The following CSPG4 variants were observed in gnomAD, a reference collection of about 807,000 sequenced individuals.
CSPG4 encodes the protein chondroitin sulfate proteoglycan 4 (melanoma-associated).
A neutral mutation model predicts 139.3 loss-of-function variants in CSPG4; 74 were observed. That is an observed-to-expected ratio of 0.53 (90% CI 0.44 to 0.64). The LOEUF is 0.64. Ranked by LOEUF, CSPG4 falls within the 30% of genes least tolerant of loss-of-function variation. CSPG4 has a pLI of 0.00. For synonymous variants in CSPG4, 1,234 were observed against 1,394.2 expected (o/e 0.89, Z 2.56); for missense variants, 2,565 against 3,148.3 (o/e 0.81, Z 4.43).
chr15:75,684,670 G>T, intron 5 of CSPG4, 66 bp downstream of exon 5: 2 of 1,502,606 alleles, frequency 1.3e-6, no homozygotes, highest in Non-Finnish European at 9.1e-7. Flanking sequence ...GCTCTGAGCC[G>T]CGAAGTAGGG....
chr15:75,702,601 CT>C (rs1566977655), intron 1 of CSPG4, among the ~76,000 whole-genome samples: 1 of 152,196 alleles, frequency 6.6e-6, no homozygotes, highest in Admixed American at 6.5e-5. Flanking sequence ...CCCTCCCCAC[CT>C]TGTCTTACCT....
chr15:75,687,600 G>A lies in CSPG4; in HGVS notation c.3465C>T (p.Asn1155=), dbSNP rs901809804. ...CCTCATCCCCACTGCGGATGTCGAG[G>A]TTGGTGTCCAGGTGGAGCACGGCCG... is the stretch of plus-strand genomic sequence containing the variant. ...IDTAVLHLDT[N]LDIRSGDEVH... The change falls in exon 3 of 10, where the codon AAC becomes AAT. Residue 1155 remains asparagine (N), a synonymous_variant. Coordinates refer to ENST00000308508, the MANE Select transcript of CSPG4 (RefSeq NM_001897.5). This position sits in a 1 kb window ranked among gnomAD's most constrained non-coding sequence, Gnocchi z 5.4. 15 of 1,611,532 alleles carry A rather than the reference G, an allele frequency of 9.3e-6. No individual in the cohort carries two copies. The highest frequency in any genetic ancestry group is 1.2e-5 in the Non-Finnish European group (14 of 1,179,028).
At chr15:75,707,925 C>T (rs1416571699) in intron 1 of CSPG4, among the ~76,000 whole-genome samples, 1 of 152,024 alleles carries the variant, frequency 6.6e-6, no homozygotes, top group African/African-American at 2.4e-5. Flanking sequence ...AGCTGCTGGT[C>T]CTGAGGGTGA....
At chr15:75,695,421 C>T (rs1356501702) in intron 1 of CSPG4, among the ~76,000 whole-genome samples, 1 of 152,168 alleles carries the variant, frequency 6.6e-6, no homozygotes, top group Non-Finnish European at 1.5e-5. Flanking sequence ...CATTGAGGGG[C>T]TGGGCCCTGC....
At chr15:75,691,687 T>G (rs1272862311) in intron 2 of CSPG4, among the ~76,000 whole-genome samples, 1 of 152,064 alleles carries the variant, frequency 6.6e-6, no homozygotes, top group Non-Finnish European at 1.5e-5. Context: ...TGGGGAGAGA[T>G]GAAGGACATA....
chr15:75,690,023 T>C lies in CSPG4; in HGVS notation c.1042A>G (p.Asn348Asp). The change falls in exon 3 of 10, where the codon AAT becomes GAT. Residue 348 changes from asparagine (N) to aspartate (D), a missense_variant. Physicochemically the swap from Asn to Asp is conservative, Grantham distance 23 (BLOSUM62 1). Transcript: ENST00000308508. ...TCCATGCAGCCCAGCAGGGAGGCATTGGTGGCCTCTGGTGTCAGGCCCAGG... is the reference window on the plus strand; with the variant it reads ...TCCATGCAGCCCAGCAGGGAGGCATCGGTGGCCTCTGGTGTCAGGCCCAGG... The part of the protein sequence containing the change: ...HRLGLTPEAT[N>D]ASLLGCMEDL... 6.2e-7 allele frequency: 1 copy of C among 1,611,650 alleles called. No individual in the cohort carries two copies. Among genetic ancestry groups the C allele is most frequent in the Non-Finnish European group, 8.5e-7 (1 of 1,179,490 alleles).
Position 75,685,383 on chromosome 15 carries a change from C to G in CSPG4, c.4108G>C (p.Gly1370Arg). ...GGAGGGGCCAGGGTGAGGCTGCCAC[C>G]CTCAGGGACGCTGAAGTTTTGCGCC... ...LEAQNFSVPE[G>R]GSLTLAPPLL... The change falls in exon 4 of 10, where the codon GGT becomes CGT. Residue 1370 changes from glycine (G) to arginine (R), a missense_variant. This residue lies in a region of CSPG4 where 2,316 missense variants were observed against 2,818.2 expected (regional missense o/e 0.82). Transcript: ENST00000308508. The G allele has an allele frequency of 6.2e-7, 1 of 1,610,504 alleles. No individual in the cohort carries two copies. The highest frequency in any genetic ancestry group is 8.5e-7 in the Non-Finnish European group (1 of 1,179,140).
At chr15:75,711,017 C>T (rs1411486445) in intron 1 of CSPG4, among the ~76,000 whole-genome samples, 9 of 152,220 alleles carry the variant, frequency 5.9e-5, no homozygotes, top group Admixed American at 5.9e-4. Context: ...TTCTCCCTGG[C>T]CTGTGCTCGA....
chr15:75,711,934 G>A (rs1596015641), intron 1 of CSPG4, among the ~76,000 whole-genome samples: 2 of 151,928 alleles, frequency 1.3e-5, no homozygotes, highest in Non-Finnish European at 2.9e-5. Context: ...AGGCATCAGT[G>A]CTGGGATGAG....
At chr15:75,707,349 G>A (rs1407004512) in intron 1 of CSPG4, among the ~76,000 whole-genome samples, 3 of 152,210 alleles carry the variant, frequency 2.0e-5, no homozygotes, top group East Asian at 3.8e-4. Flanking sequence ...TGTATAAGGT[G>A]TATATGAAAC....
intron 8 of CSPG4, chr15:75,678,635 G>A (rs1277970637): frequency 2.2e-6 from 1 of 455,914 alleles, no homozygotes; most frequent in East Asian, 7.0e-5. Context: ...ATTACAGGCA[G>A]GAGGCACTGC....
chr15:75,675,917 A>G lies in CSPG4; in HGVS notation c.6602T>C (p.Met2201Thr). 1 of 1,601,268 alleles carries G rather than the reference A, an allele frequency of 6.2e-7. No individual in the cohort carries two copies. The highest frequency in any genetic ancestry group is 8.5e-7 in the Non-Finnish European group (1 of 1,179,078). ...SSTPTGEPGPMASSPEPAVAK... is the reference protein window; with the variant it reads ...SSTPTGEPGPTASSPEPAVAK... The stretch of plus-strand genomic sequence containing the variant: ...CACAGCGGGCTCAGGGCTGGATGCC[A>G]TGGGGCCTGGCTCGCCTGTGGGGGT... Residue 2201 changes from methionine (M) to threonine (T), a missense_variant, in exon 10 of 10, where the codon ATG becomes ACG. Physicochemically the swap from Met to Thr is moderately conservative, Grantham distance 81 (BLOSUM62 -1). This residue lies in a region of CSPG4 where 2,316 missense variants were observed against 2,818.2 expected (regional missense o/e 0.82). Coordinates refer to ENST00000308508, the MANE Select transcript of CSPG4 (RefSeq NM_001897.5).
At chr15:75,683,551 GT>G (rs1323191596) in intron 5 of CSPG4, among the ~76,000 whole-genome samples, 1 of 152,232 alleles carries the variant, frequency 6.6e-6, no homozygotes, top group Non-Finnish European at 1.5e-5. Flanking sequence ...GGGGCTGATG[GT>G]TGGCACTGTT....
rs1256676012 is a variant in CSPG4 at position 75,690,511 on chromosome 15, G to A, written c.554C>T (p.Thr185Ile). 1 of 1,609,762 alleles carries A rather than the reference G, an allele frequency of 6.2e-7. No homozygotes were observed. The highest frequency in any genetic ancestry group is 8.5e-7 in the Non-Finnish European group (1 of 1,179,094). The change falls in exon 3 of 10, where the codon ACC (threonine) becomes ATC (isoleucine). Residue 185 changes from threonine (T) to isoleucine (I), a missense_variant. Transcript: ENST00000308508. ...AGCACAGCCCTCATGCACATCGGGG[G>A]TCAGAGGCCGGAGGAGGCTGCGGCC... ...LNGRSLLRPL[T>I]PDVHEGCAEE...
chr15:75,678,664 A>T (rs1287483639), intron 8 of CSPG4: 1 of 455,994 alleles, frequency 2.2e-6, no homozygotes. Context: ...AGAAAAAACT[A>T]TTCTTGACTT....
chr15:75,675,721 G>A lies in CSPG4; in HGVS notation c.6798C>T (p.Asn2266=), dbSNP rs148118120. ...AGGTCTCGGTGTCACCAGCCAGGCCGTTGCGGGGCTTGGCAGTCAGGACCT... is the reference window on the plus strand; with the variant it reads ...AGGTCTCGGTGTCACCAGCCAGGCCATTGCGGGGCTTGGCAGTCAGGACCT... ...DVQVLTAKPR[N]GLAGDTETFR... Residue 2266 remains asparagine (N), a synonymous_variant, in exon 10 of 10, where the codon AAC becomes AAT. Coordinates refer to ENST00000308508, the MANE Select transcript of CSPG4 (RefSeq NM_001897.5). The A allele has an allele frequency of 3.4e-4, 533 of 1,590,608 alleles. No individual in the cohort carries two copies. Among genetic ancestry groups the A allele is most frequent in the Non-Finnish European group, 4.2e-4 (484 of 1,165,326 alleles).
chr15:75,683,577 C>G (rs185100173), intron 5 of CSPG4, among the ~76,000 whole-genome samples: 2 of 152,334 alleles, frequency 1.3e-5, no homozygotes, highest in Non-Finnish European at 2.9e-5. Context: ...AGCACAGAAT[C>G]AGCGTGGGAT....
Position 75,684,268 on chromosome 15 carries a change from C to T in CSPG4, c.4449+468G>A, listed in dbSNP as rs1219422070. Among the ~76,000 whole-genome samples the T allele has an allele frequency of 2.6e-5, 4 of 152,272 alleles. No homozygotes were observed. The East Asian group carries it at 7.7e-4, about 29-fold the overall frequency. ...TTCCACCTGCAGAGTGGGGCCCTTA[C>T]CTCTGCCTGAGCGAAGTTCACCAGG... On this transcript the variant is annotated intron_variant, in intron 5 of 9. Coordinates refer to ENST00000308508, the MANE Select transcript of CSPG4 (RefSeq NM_001897.5).
intron 1 of CSPG4, among the ~76,000 whole-genome samples, chr15:75,708,672 C>T (rs1419319774): frequency 1.3e-5 from 2 of 152,190 alleles, no homozygotes; most frequent in East Asian, 1.9e-4. Flanking sequence ...GGCCTGTGTG[C>T]CCAAAGAGAG....
Sources: gnomAD v4.1 joint callset for allele counts (sites outside exome capture counted in the v4.1 genomes callset) on GRCh38, gnomAD v4.1.1 for gene constraint, gnomAD v4.1.1 regional missense constraint, Gnocchi (gnomAD v3.1) non-coding constraint, MANE v1.5 for transcripts, NCBI Gene and HGNC (gene_info 2026-07-23, HGNC 2026-07-21) for gene names.